ATP1A4: variants seen among roughly 807,000 people sequenced by gnomAD.
ATP1A4 encodes the protein ATPase Na+/K+ transporting subunit alpha 4.
In ATP1A4, 90 loss-of-function variants were observed where a neutral mutation model predicts 114.3. The observed-to-expected ratio is 0.79, with a 90% CI of 0.66 to 0.94. The LOEUF is 0.94. Among genes scored for constraint, ATP1A4 ranks in the 40% least tolerant of loss-of-function variants. The probability of loss-of-function intolerance (pLI) is 0.00; values close to 1 mark genes in which losing one functional copy is unlikely to be tolerated. For missense variants in ATP1A4, 1,222 were observed against 1,313.6 expected, an observed-to-expected ratio of 0.93 and a Z score of 1.08; for synonymous variants, 511 against 494.1, an observed-to-expected ratio of 1.03 and a Z score of -0.45.
At chr1:160,174,413 T>C (rs139977824) in intron 14 of ATP1A4, 152 bp downstream of exon 14, 2 of 1,424,006 alleles carry the variant, frequency 1.4e-6, no homozygotes, top group African/African-American at 2.9e-5. Context: ...AGTTTGGGGC[T>C]CCCTGAAAGT....
At position 160,159,609 on chromosome 1, in the gene ATP1A4, C is replaced by A. The variant is rs77866241; in HGVS notation, c.778+83C>A. ...TTTAATAACTGTCTTCTAAAGGTAGCGAGGTAGGTAAGAGCCAGTAAAAAG... is the reference window on the plus strand; with the variant it reads ...TTTAATAACTGTCTTCTAAAGGTAGAGAGGTAGGTAAGAGCCAGTAAAAAG... On this transcript the variant is annotated intron_variant, in intron 6 of 21. Transcript: ENST00000368081. 4 of 1,270,788 alleles carry A rather than the reference C, an allele frequency of 3.1e-6. No homozygotes were observed. In the South Asian group the frequency reaches 4.3e-5, roughly 14 times the overall value. 78.7% of individuals were successfully genotyped at this position (1,270,788 alleles called of 1,614,324 possible).
chr1:160,166,095 C>T (rs774098033), intron 7 of ATP1A4, among the ~76,000 whole-genome samples: 8 of 152,146 alleles, frequency 5.3e-5, no homozygotes, highest in Admixed American at 1.3e-4. Context: ...CATGGTGAAA[C>T]CCTGTCTCTA....
rs1447438481 is a variant in ATP1A4, at chr1:160,181,720, C to T, written c.2773C>T (p.Gln925Ter). The T allele has an allele frequency of 1.2e-6, 2 of 1,614,152 alleles. No individual in the cohort carries two copies. The highest frequency in any genetic ancestry group is 2.2e-5 in the South Asian group (2 of 91,080). ...ACGAAAAGTTGTGGAGTTCACATGC[C>T]AAACGGCCTTTTTTGTCACCATCGT... ...EQRKVVEFTC[Q>*]TAFFVTIVVV... The change falls in exon 19 of 22, where the codon CAA becomes TAA. Residue 925 changes from glutamine (Q) to a stop codon, truncating the protein, a stop_gained. Coordinates refer to ENST00000368081, the MANE Select transcript of ATP1A4 (RefSeq NM_144699.4). LOFTEE classifies it high-confidence loss of function.
intron 7 of ATP1A4, 149 bp downstream of exon 7, chr1:160,164,573 T>C: frequency 2.4e-6 from 2 of 827,276 alleles, no homozygotes; most frequent in East Asian, 5.1e-5. Flanking sequence ...GCTCTCAATA[T>C]TACACTGACT....
chr1:160,176,262 G>A lies in ATP1A4; in HGVS notation c.2466+16G>A, dbSNP rs1391318493. Reference sequence around the variant, plus strand: ...CACTGACATGGTAAGGGCCAAGCTGGTGAGCAAGAGATTCCCAGAATTCTG... The same window carrying A: ...CACTGACATGGTAAGGGCCAAGCTGATGAGCAAGAGATTCCCAGAATTCTG... On this transcript the variant is annotated intron_variant, in intron 16 of 21. Coordinates refer to ENST00000368081, the MANE Select transcript of ATP1A4 (RefSeq NM_144699.4). 1 of 1,613,170 alleles carries A rather than the reference G, an allele frequency of 6.2e-7. No individual in the cohort carries two copies. The highest frequency in any genetic ancestry group is 8.5e-7 in the Non-Finnish European group (1 of 1,179,376).
intron 6 of ATP1A4, among the ~76,000 whole-genome samples, chr1:160,161,686 T>G (rs534264501): frequency 6.6e-6 from 1 of 152,296 alleles, no homozygotes; most frequent in East Asian, 1.9e-4. Flanking sequence ...TTCAGCATCT[T>G]CATTCCATAG....
Position 160,174,705 on chromosome 1 carries a change from C to A in ATP1A4, c.2269C>A (p.Leu757Met). ...VSKQAADMIL[L>M]DDNFASIVTG... is the part of the protein sequence containing the mutation. ...TAAGCAGGCAGCCGACATGATCCTG[C>A]TGGATGACAACTTTGCCTCCATCGT... is the stretch of plus-strand genomic sequence containing the variant. The change falls in exon 15 of 22, where the codon CTG becomes ATG. Residue 757 changes from leucine to methionine, a missense_variant. Transcript: ENST00000368081. The A allele has an allele frequency of 6.2e-7, 1 of 1,614,178 alleles. No homozygotes were observed. Among genetic ancestry groups the A allele is most frequent in the Non-Finnish European group, 8.5e-7 (1 of 1,180,036 alleles).
At chr1:160,166,945 A>G (rs986126636) in intron 8 of ATP1A4, 23 bp from the exon 9 acceptor site, 2 of 1,609,642 alleles carry the variant, frequency 1.2e-6, no homozygotes, top group African/African-American at 1.3e-5. Context: ...CCTGCTCACA[A>G]TTCTTCTTTT....
At chr1:160,155,293 C>A (rs377138013) in intron 3 of ATP1A4, 45 bp downstream of exon 3, 10 of 1,534,022 alleles carry the variant, frequency 6.5e-6, no homozygotes, top group Non-Finnish European at 8.0e-6. Context: ...CTCTGCTTAG[C>A]CCCAGACACT....
intron 3 of ATP1A4, among the ~76,000 whole-genome samples, chr1:160,155,663 T>C (rs904675504): frequency 2.0e-5 from 3 of 152,178 alleles, no homozygotes; most frequent in African/African-American, 4.8e-5. Flanking sequence ...AAAAACTTGC[T>C]GTTCTTTGAT....
chr1:160,154,144 A>C (rs1249578561), intron 2 of ATP1A4, among the ~76,000 whole-genome samples: 1 of 152,204 alleles, frequency 6.6e-6, no homozygotes, highest in Non-Finnish European at 1.5e-5. Flanking sequence ...ACTTGAGGTC[A>C]GTAGTTGGAG....
At chr1:160,166,009 T>G (rs1003848108) in intron 7 of ATP1A4, among the ~76,000 whole-genome samples, 1 of 151,664 alleles carries the variant, frequency 6.6e-6, no homozygotes, top group Non-Finnish European at 1.5e-5. Context: ...GTGGCTCACA[T>G]CTATAATCCC....
chr1:160,186,425 T>G, intron 21 of ATP1A4, 58 bp downstream of exon 21: 1 of 1,359,542 alleles, frequency 7.4e-7, no homozygotes, highest in Non-Finnish European at 1.0e-6. Flanking sequence ...TCACTAGCTC[T>G]CCCATCCCAC....
rs776782370 is a variant in ATP1A4 at position 160,156,078 on chromosome 1, A to G, written c.445A>G (p.Ile149Val). Residue 149 changes from isoleucine to valine, a missense_variant, in exon 4 of 22, where the codon ATC (isoleucine) becomes GTC (valine). Coordinates refer to ENST00000368081, the MANE Select transcript of ATP1A4 (RefSeq NM_144699.4). The part of the protein sequence containing the change: ...YLSIVLSVVV[I>V]VTGCFSYYQE... Reference sequence around the variant, plus strand: ...GAGCATCGTACTGTCCGTCGTGGTCATCGTCACTGGCTGCTTCTCCTATTA... The same window carrying G: ...GAGCATCGTACTGTCCGTCGTGGTCGTCGTCACTGGCTGCTTCTCCTATTA... 3 of 1,614,012 alleles carry G rather than the reference A, an allele frequency of 1.9e-6. No individual in the cohort carries two copies. The highest frequency in any genetic ancestry group is 1.7e-6 in the Non-Finnish European group (2 of 1,179,896).
Position 160,159,120 on chromosome 1 carries a change from C to T in ATP1A4, c.644C>T (p.Ser215Phe). 1 of 1,614,010 alleles carries T rather than the reference C, an allele frequency of 6.2e-7. No individual in the cohort carries two copies. Among genetic ancestry groups the T allele is most frequent in the Non-Finnish European group, 8.5e-7 (1 of 1,179,924 alleles). Reference protein sequence around the residue: ...DRVPADLRLISAQGCKVDNSS... With the variant: ...DRVPADLRLIFAQGCKVDNSS... ...GTCCCTGCTGACCTCCGGCTTATCTCTGCACAAGGATGTAAGGTGAGGGGA... is the reference window on the plus strand; with the variant it reads ...GTCCCTGCTGACCTCCGGCTTATCTTTGCACAAGGATGTAAGGTGAGGGGA... The change falls in exon 5 of 22, where the codon TCT (serine) becomes TTT (phenylalanine). Residue 215 changes from serine (S) to phenylalanine (F), a missense_variant. Ser to Phe is a radical substitution (Grantham distance 155). Coordinates refer to ENST00000368081, the MANE Select transcript of ATP1A4 (RefSeq NM_144699.4).
chr1:160,161,603 A>T (rs765520233), intron 6 of ATP1A4, among the ~76,000 whole-genome samples: 5 of 152,218 alleles, frequency 3.3e-5, no homozygotes, highest in African/African-American at 1.2e-4. Flanking sequence ...AGATATATGT[A>T]GGTGACACCA....
At chr1:160,179,071 A>T (rs11265347) in intron 18 of ATP1A4, among the ~76,000 whole-genome samples, 28,708 of 152,198 alleles carry the variant, frequency 0.19, 3,218 homozygotes, top group African/African-American at 0.32. Context: ...TCTGGACTCT[A>T]GATCCCTGCC....
At position 160,182,047 on chromosome 1, in the gene ATP1A4, GA is replaced by G; in HGVS notation, c.2969+17del. On this transcript the variant is annotated intron_variant, in intron 20 of 21. Coordinates refer to ENST00000368081, the MANE Select transcript of ATP1A4 (RefSeq NM_144699.4). ...ACCCACTCAAGTGAGTAAGGGAAGG[GA>G]TGCAAGCAGGGGATGTGCAGGCACG... The G allele has an allele frequency of 6.2e-7, 1 of 1,600,990 alleles. No individual in the cohort carries two copies. Among genetic ancestry groups the G allele is most frequent in the Non-Finnish European group, 8.6e-7 (1 of 1,168,072 alleles).
rs1183686044 is a variant in ATP1A4 at position 160,167,403 on chromosome 1, C to T, written c.1482C>T (p.Asn494=). ...KVAEIPFNST[N]KYQMSIHLRE... ...CAGAGATTCCCTTTAATTCTACCAA[C>T]AAGTACCAGGTACAGAACCCACAAA... Residue 494 remains asparagine, a synonymous_variant, in exon 10 of 22, where the codon AAC becomes AAT. Coordinates refer to ENST00000368081, the MANE Select transcript of ATP1A4 (RefSeq NM_144699.4). 6.2e-6 allele frequency: 10 copies of T among 1,612,688 alleles called. No individual in the cohort carries two copies. The highest frequency in any genetic ancestry group is 8.5e-6 in the Non-Finnish European group (10 of 1,179,732).
Sources: gnomAD v4.1 joint callset for allele counts (sites outside exome capture counted in the v4.1 genomes callset) on GRCh38, gnomAD v4.1.1 for gene constraint, MANE v1.5 for transcripts, NCBI Gene and HGNC (gene_info 2026-07-23, HGNC 2026-07-21) for gene names.